SMAD3: variants seen among roughly 807,000 people sequenced by gnomAD.
The protein encoded by SMAD3 is SMAD family member 3, also known as MAD homolog 3.
Under a neutral mutation model 51.8 loss-of-function variants are expected in SMAD3, and 12 were observed. That is an observed-to-expected ratio of 0.23 (90% CI 0.15 to 0.38). SMAD3 has a LOEUF of 0.38. SMAD3 is among the 10% of genes least tolerant of loss of function. The pLI is 1.00. For missense variants in SMAD3, 294 were observed against 565.6 expected, an observed-to-expected ratio of 0.52 and a Z score of 4.87; for synonymous variants, 238 against 227.7, an observed-to-expected ratio of 1.05 and a Z score of -0.41.
In SMAD3 at chr15:67,181,263, C is replaced by T. The variant is rs753539358; in HGVS notation, c.681C>T (p.Cys227=). 16 of 1,613,084 alleles carry T rather than the reference C, an allele frequency of 9.9e-6. No homozygotes were observed. In the East Asian group the frequency reaches 1.3e-4, roughly 13 times the overall value. Residue 227 remains cysteine (C), a synonymous_variant, in exon 6 of 9, where the codon TGC becomes TGT. Coordinates refer to ENST00000327367, the MANE Select transcript of SMAD3 (RefSeq NM_005902.4). ...CAGACCTGCAGCCAGTTACCTACTG[C>T]GAGCCGGCCTTCTGGTGCTCCATCT... is the stretch of plus-strand genomic sequence containing the variant. ...NNLDLQPVTY[C]EPAFWCSISY...
chr15:67,172,292 GGCCAGCAGAGAATGA>G, intron 5 of SMAD3, among the ~76,000 whole-genome samples: 2 of 152,266 alleles, frequency 1.3e-5, no homozygotes, highest in African/African-American at 4.8e-5. Context: ...CCCCGAGCCT[GGCCAGCAGAGAATGA>G]GTGCCACTTT....
intron 6 of SMAD3, among the ~76,000 whole-genome samples, chr15:67,183,017 ATATATATATATATATTTTTT>A (rs1963118171): frequency 1.4e-5 from 1 of 73,516 alleles, no homozygotes; most frequent in Admixed American, 1.6e-4. Context: ...ATATATATAT[ATATATATATATATATTTTTT>A]TTTTTTTTTT....
At chr15:67,144,487 G>C (rs967171296) in intron 1 of SMAD3, among the ~76,000 whole-genome samples, 1 of 151,994 alleles carries the variant, frequency 6.6e-6, no homozygotes, top group Non-Finnish European at 1.5e-5. Flanking sequence ...AATTCATTTG[G>C]CCCTAAAATC....
chr15:67,067,410 C>G (rs1959950830), intron 1 of SMAD3, among the ~76,000 whole-genome samples: 2 of 152,226 alleles, frequency 1.3e-5, no homozygotes, highest in African/African-American at 4.8e-5. Context: ...GTCTCTACCT[C>G]TCAGCCTCCT....
intron 1 of SMAD3, among the ~76,000 whole-genome samples, chr15:67,156,959 C>T (rs1962299195): frequency 6.6e-6 from 1 of 152,198 alleles, no homozygotes. Flanking sequence ...CAAGAAAATA[C>T]ATGCCACTCA....
chr15:67,139,187 G>A (rs1257666310), intron 1 of SMAD3, among the ~76,000 whole-genome samples: 3 of 152,170 alleles, frequency 2.0e-5, no homozygotes, highest in African/African-American at 7.2e-5. Flanking sequence ...GGGGGCTAGA[G>A]GGATTTAAGT....
intron 1 of SMAD3, among the ~76,000 whole-genome samples, chr15:67,087,040 C>T (rs916886333): frequency 2.0e-4 from 31 of 152,014 alleles, no homozygotes; most frequent in African/African-American, 6.5e-4. Flanking sequence ...GTATTACAGG[C>T]GCCTGCCACC....
chr15:67,109,962 C>T (rs906706545), intron 1 of SMAD3, among the ~76,000 whole-genome samples: 1 of 152,216 alleles, frequency 6.6e-6, no homozygotes, highest in African/African-American at 2.4e-5. Context: ...GAAACCAACT[C>T]AGTGCTTCTC....
chr15:67,148,308 C>T (rs1962033743), intron 1 of SMAD3, among the ~76,000 whole-genome samples: 1 of 152,232 alleles, frequency 6.6e-6, no homozygotes, highest in Non-Finnish European at 1.5e-5. Context: ...GGGCCACACA[C>T]ACCCCTGTCA....
In SMAD3 at chr15:67,165,147, G is replaced by C. The variant is rs2289261; in HGVS notation, c.400+59G>C. On this transcript the variant is annotated intron_variant, in intron 2 of 8. Coordinates refer to ENST00000327367, the MANE Select transcript of SMAD3 (RefSeq NM_005902.4). ...GTGCCAGGGGTCATCACCTCTCCCCGGCTCCCCATCCCCCCGAGGGTCTGC... is the reference window on the plus strand; with the variant it reads ...GTGCCAGGGGTCATCACCTCTCCCCCGCTCCCCATCCCCCCGAGGGTCTGC... 1,010,403 of 1,610,524 alleles carry C rather than the reference G, an allele frequency of 0.63. 321,443 individuals carry two copies. The highest frequency in any genetic ancestry group is 0.66 in the Non-Finnish European group (776,482 of 1,177,092).
intron 6 of SMAD3, among the ~76,000 whole-genome samples, chr15:67,182,986 TAAAAAAAAAA>T (rs35277759): frequency 5.6e-4 from 27 of 48,038 alleles, no homozygotes; most frequent in African/African-American, 2.2e-3. Flanking sequence ...TATATTTTAT[TAAAAAAAAAA>T]AAAAATATAT....
chr15:67,070,707 G>A (rs1460373422), intron 1 of SMAD3, among the ~76,000 whole-genome samples: 2 of 150,938 alleles, frequency 1.3e-5, no homozygotes, highest in African/African-American at 2.4e-5. Flanking sequence ...GGGCGTTGAT[G>A]TGCCTTTTAA....
chr15:67,163,432 CCTGT>C (rs1414847359), intron 1 of SMAD3, among the ~76,000 whole-genome samples: 2 of 152,188 alleles, frequency 1.3e-5, no homozygotes, highest in Admixed American at 6.5e-5. Context: ...CACCTCCTCA[CCTGT>C]CTAATACCAG....
At chr15:67,091,398 C>T (rs925074165) in intron 1 of SMAD3, among the ~76,000 whole-genome samples, 3 of 152,160 alleles carry the variant, frequency 2.0e-5, no homozygotes, top group Non-Finnish European at 2.9e-5. Flanking sequence ...GCTAAGGATC[C>T]GGTGTTGCGG....
In SMAD3 at chr15:67,160,988, T is replaced by C. The variant is rs117135832; in HGVS notation, c.207-3907T>C. Among the ~76,000 whole-genome samples, 1,002 of 152,152 alleles carry C rather than the reference T, an allele frequency of 6.6e-3. 6 individuals carry two copies. Among genetic ancestry groups the C allele is most frequent in the South Asian group, 0.029 (138 of 4,824 alleles). On this transcript the variant is annotated intron_variant, in intron 1 of 8. Transcript: ENST00000327367. Reference sequence around the variant, plus strand: ...CGGTCTGATTTTTTTTTTATTATTATTAAGTGCTTTTTGGTGTGGTATCTG... The same window carrying C: ...CGGTCTGATTTTTTTTTTATTATTACTAAGTGCTTTTTGGTGTGGTATCTG...
chr15:67,166,047 A>T (rs1962579425), intron 3 of SMAD3: 1 of 322,006 alleles, frequency 3.1e-6, no homozygotes, highest in African/African-American at 2.3e-5. Context: ...CTCTTAGAGC[A>T]TTCTAATTTG....
chr15:67,083,636 G>A (rs568469616), intron 1 of SMAD3, among the ~76,000 whole-genome samples: 9 of 152,276 alleles, frequency 5.9e-5, no homozygotes, highest in African/African-American at 1.4e-4. Context: ...CCTGGGTTTC[G>A]TGTGCTTTCA....
chr15:67,093,863 C>T (rs1472888825), intron 1 of SMAD3, among the ~76,000 whole-genome samples: 1 of 152,220 alleles, frequency 6.6e-6, no homozygotes, highest in Non-Finnish European at 1.5e-5. Context: ...GGACTGTCCC[C>T]CACCTGCAGA....
At chr15:67,157,322 A>G (rs2033784) in intron 1 of SMAD3, among the ~76,000 whole-genome samples, 52,236 of 152,068 alleles carry the variant, frequency 0.34, 9,366 homozygotes, top group African/African-American at 0.44. Flanking sequence ...TGATTGATGA[A>G]TGGTCACTTT....
Sources: allele counts gnomAD v4.1 joint callset (sites outside exome capture counted in the v4.1 genomes callset), GRCh38; gene constraint gnomAD v4.1.1; transcripts MANE v1.5; gene names NCBI Gene and HGNC (gene_info 2026-07-23, HGNC 2026-07-21).